The following ST6GALNAC5 variants were observed in gnomAD, a reference collection of about 807,000 sequenced individuals.
The protein encoded by ST6GALNAC5 is alpha-N-acetylgalactosaminide alpha-2,6-sialyltransferase 5.
A neutral mutation model predicts 33.6 loss-of-function variants in ST6GALNAC5; 27 were observed. That is an observed-to-expected ratio of 0.80 (90% confidence interval 0.59 to 1.11). The LOEUF (loss-of-function observed/expected upper bound fraction) is 1.11. ST6GALNAC5 is among the 50% of genes least tolerant of loss of function. ST6GALNAC5 has a pLI of 0.00. For missense variants in ST6GALNAC5, 428 were observed against 454.0 expected, an observed-to-expected ratio of 0.94 and a Z score of 0.52; for synonymous variants, 194 against 171.2, an observed-to-expected ratio of 1.13 and a Z score of -1.04.
chr1:76,941,895 C>T (rs1647347507), intron 2 of ST6GALNAC5, among the ~76,000 whole-genome samples: 1 of 152,104 alleles, frequency 6.6e-6, no homozygotes, highest in Admixed American at 6.6e-5. Flanking sequence ...ACTAATACAC[C>T]TGCCAGCTGC....
intron 2 of ST6GALNAC5, among the ~76,000 whole-genome samples, chr1:76,898,576 G>A (rs866932232): frequency 7.2e-5 from 11 of 152,220 alleles, no homozygotes; most frequent in South Asian, 2.1e-4. Flanking sequence ...GGTTGCTGCC[G>A]AACGAGCCAT....
chr1:76,868,768 C>G lies in ST6GALNAC5; in HGVS notation c.261+26C>G. 1.4e-6 allele frequency: 2 copies of G among 1,468,146 alleles called. No individual in the cohort carries two copies. Among genetic ancestry groups the G allele is most frequent in the African/African-American group, 1.4e-5 (1 of 70,148 alleles). The allele number at this position is 1,468,146 out of a possible 1,614,324, so 90.9% of individuals were successfully genotyped here. On this transcript the variant is annotated intron_variant, in intron 2 of 4. Transcript: ENST00000477717. This position sits in a 1 kb window ranked among gnomAD's most constrained non-coding sequence, Gnocchi z 4.3. ...GTGACAGCATGCCCGCCAGCCCGCT[C>G]GCCACTCAGCCTGGGGATCCCGCAC...
intron 2 of ST6GALNAC5, among the ~76,000 whole-genome samples, chr1:77,030,665 A>G (rs1651418560): frequency 6.6e-6 from 1 of 152,260 alleles, no homozygotes; most frequent in Admixed American, 6.5e-5. Flanking sequence ...TTATAGATCT[A>G]CTAATGTGCT....
At chr1:76,998,314 T>TAAG (rs1650015825) in intron 2 of ST6GALNAC5, among the ~76,000 whole-genome samples, 1 of 152,134 alleles carries the variant, frequency 6.6e-6, no homozygotes, top group Admixed American at 6.6e-5. Flanking sequence ...GAGGATCGCT[T>TAAG]GAGCCCAGAA....
At chr1:77,007,996 T>G (rs1002362667) in intron 2 of ST6GALNAC5, among the ~76,000 whole-genome samples, 2 of 152,240 alleles carry the variant, frequency 1.3e-5, no homozygotes, top group Non-Finnish European at 2.9e-5. Flanking sequence ...CTTTGGATAC[T>G]TCTTTATTTT....
At chr1:76,933,854 A>T (rs1247487919) in intron 2 of ST6GALNAC5, among the ~76,000 whole-genome samples, 1 of 151,530 alleles carries the variant, frequency 6.6e-6, no homozygotes, top group South Asian at 2.1e-4. Context: ...TTTAAAACAC[A>T]GTTTCTTGTT....
intron 2 of ST6GALNAC5, among the ~76,000 whole-genome samples, chr1:76,947,026 C>A (rs1262075825): frequency 6.6e-6 from 1 of 152,046 alleles, no homozygotes. Context: ...TAGTTCTAAT[C>A]TGGGTGGGTG....
chr1:76,955,509 C>CT (rs914749770), intron 2 of ST6GALNAC5, among the ~76,000 whole-genome samples: 6 of 152,004 alleles, frequency 3.9e-5, no homozygotes, highest in African/African-American at 1.4e-4. Flanking sequence ...CCACTCATGC[C>CT]TTTTTTAACA....
At chr1:76,959,335 T>A (rs898536438) in intron 2 of ST6GALNAC5, among the ~76,000 whole-genome samples, 20 of 152,362 alleles carry the variant, frequency 1.3e-4, no homozygotes, top group African/African-American at 4.3e-4. Context: ...TCTGACATGG[T>A]ATAGTATAAT....
intron 2 of ST6GALNAC5, among the ~76,000 whole-genome samples, chr1:76,893,701 C>T (rs1195051103): frequency 6.6e-6 from 1 of 152,178 alleles, no homozygotes; most frequent in Non-Finnish European, 1.5e-5. Flanking sequence ...CACTCCGTCA[C>T]CCAGGCTAGA....
intron 2 of ST6GALNAC5, among the ~76,000 whole-genome samples, chr1:76,903,918 G>A (rs1352306827): frequency 1.3e-5 from 2 of 152,158 alleles, no homozygotes; most frequent in Non-Finnish European, 2.9e-5. Context: ...GGGGGTGATG[G>A]GTGGGTAGGA....
At chr1:76,974,758 G>A (rs1570726562) in intron 2 of ST6GALNAC5, among the ~76,000 whole-genome samples, 1 of 62,984 alleles carries the variant, frequency 1.6e-5, no homozygotes, top group South Asian at 5.6e-4. Context: ...ATATCTGTAA[G>A]TTTTTTCTTT....
At chr1:77,001,894 G>A (rs1407270616) in intron 2 of ST6GALNAC5, among the ~76,000 whole-genome samples, 1 of 152,000 alleles carries the variant, frequency 6.6e-6, no homozygotes, top group Non-Finnish European at 1.5e-5. Flanking sequence ...CGTTTTGCCA[G>A]TATTTTATTG....
chr1:76,916,164 G>C (rs965317726), intron 2 of ST6GALNAC5, among the ~76,000 whole-genome samples: 1 of 152,012 alleles, frequency 6.6e-6, no homozygotes, highest in African/African-American at 2.4e-5. Context: ...CTGTACCTCG[G>C]TTCTCTTAAG....
chr1:76,914,413 A>G (rs1646946926), intron 2 of ST6GALNAC5, among the ~76,000 whole-genome samples: 2 of 152,218 alleles, frequency 1.3e-5, no homozygotes, highest in East Asian at 3.8e-4. Context: ...ACAAAGCTGG[A>G]GGCATCACGC....
intron 2 of ST6GALNAC5, among the ~76,000 whole-genome samples, chr1:76,916,548 G>C (rs532794332): frequency 1.3e-5 from 2 of 152,104 alleles, no homozygotes; most frequent in East Asian, 3.9e-4. Flanking sequence ...CAAGATTTTA[G>C]TTTCCAGTAG....
chr1:76,981,334 C>T (rs560368232), intron 2 of ST6GALNAC5, among the ~76,000 whole-genome samples: 15 of 152,238 alleles, frequency 9.9e-5, no homozygotes, highest in Non-Finnish European at 2.1e-4. Context: ...CAAGGTGATT[C>T]TCTCCTGTGC....
At chr1:76,934,545 C>A (rs920424949) in intron 2 of ST6GALNAC5, among the ~76,000 whole-genome samples, 5 of 151,966 alleles carry the variant, frequency 3.3e-5, no homozygotes, top group African/African-American at 1.2e-4. Context: ...CACATATTGT[C>A]TGCGATAAAA....
At chr1:76,896,770 T>C (rs1405619874) in intron 2 of ST6GALNAC5, among the ~76,000 whole-genome samples, 1 of 152,018 alleles carries the variant, frequency 6.6e-6, no homozygotes, top group Non-Finnish European at 1.5e-5. Flanking sequence ...AAAATAGATT[T>C]TGGAAGTTAT....
Sources: allele counts gnomAD v4.1 joint callset (sites outside exome capture counted in the v4.1 genomes callset), GRCh38; gene constraint gnomAD v4.1.1; non-coding constraint Gnocchi (gnomAD v3.1); transcripts MANE v1.5; gene names NCBI Gene and HGNC (gene_info 2026-07-23, HGNC 2026-07-21).